The following DPP10 variants were observed in gnomAD, a reference collection of about 807,000 sequenced individuals.
DPP10 encodes dipeptidyl peptidase like 10, also known as inactive dipeptidyl peptidase 10.
DPP10 carries 33 observed loss-of-function variants against 120.9 expected under a neutral mutation model. The ratio of observed to expected loss-of-function variants is 0.27; its 90% CI spans 0.21 to 0.37. The LOEUF (loss-of-function observed/expected upper bound fraction) is 0.37, where lower values mean the gene tolerates loss of function less well. Ranked by LOEUF, DPP10 falls within the 10% of genes least tolerant of loss-of-function variation. DPP10 has a pLI of 1.00. For synonymous variants in DPP10, 337 were observed against 326.1 expected (o/e 1.03, Z -0.36); for missense variants, 816 against 942.8 (o/e 0.87, Z 1.76).
chr2:115,836,277 G>T (rs1383448096), intron 22 of DPP10, 21 bp downstream of exon 22: 2 of 1,571,402 alleles, frequency 1.3e-6, no homozygotes, highest in African/African-American at 1.4e-5. Context: ...TCTACAGACT[G>T]ACCTAGTATA....
At chr2:115,320,986 A>G (rs1037217675) in intron 2 of DPP10, among the ~76,000 whole-genome samples, 7 of 152,130 alleles carry the variant, frequency 4.6e-5, no homozygotes, top group Non-Finnish European at 8.8e-5. Flanking sequence ...ATTTTGCTAT[A>G]TATAGAATTT....
chr2:115,492,877 G>A (rs559517602), intron 3 of DPP10, among the ~76,000 whole-genome samples: 1 of 152,130 alleles, frequency 6.6e-6, no homozygotes. Context: ...GTTCAGAAGA[G>A]AGGGATATTA....
chr2:115,607,453 C>T (rs184784752), intron 5 of DPP10, among the ~76,000 whole-genome samples: 39 of 152,156 alleles, frequency 2.6e-4, no homozygotes, highest in Admixed American at 2.1e-3. Context: ...AATACATGAG[C>T]GTTTTAGTTA....
rs1204392539 is a variant in DPP10, at chr2:115,845,564, C to A, written c.*3219C>A. 6.6e-6 allele frequency: 1 copy of A among 152,196 alleles called. No individual in the cohort carries two copies. Among genetic ancestry groups the A allele is most frequent in the African/African-American group, 2.4e-5 (1 of 41,430 alleles). The allele number at this position is 152,196 out of a possible 1,614,324, so 9.4% of individuals were successfully genotyped here. The stretch of plus-strand genomic sequence containing the variant: ...CTGCATACCCTTCTATTTTCCTCTT[C>A]CCCATTTCACTCTTTTAAGCTCCCT... On this transcript the variant is annotated 3_prime_UTR_variant, in exon 26 of 26. Coordinates refer to ENST00000410059, the MANE Select transcript of DPP10 (RefSeq NM_020868.6).
chr2:115,644,172 T>A (rs1245298025), intron 5 of DPP10, among the ~76,000 whole-genome samples: 1 of 151,978 alleles, frequency 6.6e-6, no homozygotes, highest in Non-Finnish European at 1.5e-5. Context: ...ATATATATAT[T>A]TTTATTATAC....
chr2:114,621,438 A>G (rs756770546), intron 1 of DPP10, among the ~76,000 whole-genome samples: 1 of 152,118 alleles, frequency 6.6e-6, no homozygotes, highest in African/African-American at 2.4e-5. Context: ...TACAAGTTCT[A>G]TAAGGCTGTG....
chr2:114,820,725 T>C (rs553966021), intron 1 of DPP10, among the ~76,000 whole-genome samples: 1 of 152,268 alleles, frequency 6.6e-6, no homozygotes, highest in Non-Finnish European at 1.5e-5. Flanking sequence ...AAGAACAGCA[T>C]GGGGGAACTG....
intron 1 of DPP10, among the ~76,000 whole-genome samples, chr2:114,939,019 A>G (rs986443034): frequency 3.3e-5 from 5 of 152,080 alleles, no homozygotes; most frequent in African/African-American, 9.7e-5. Flanking sequence ...TCCCATACTT[A>G]TGAGTGTGTA....
At chr2:114,451,829 A>T (rs1485889620) in intron 1 of DPP10, among the ~76,000 whole-genome samples, 1 of 152,268 alleles carries the variant, frequency 6.6e-6, no homozygotes, top group East Asian at 1.9e-4. Flanking sequence ...TGTGTCTTCA[A>T]GTAAAATATA....
intron 1 of DPP10, among the ~76,000 whole-genome samples, chr2:114,574,258 T>C (rs539437376): frequency 1.3e-5 from 2 of 152,220 alleles, no homozygotes; most frequent in African/African-American, 2.4e-5. Flanking sequence ...CATAGGTTTT[T>C]CCCCCTCCCA....
chr2:114,571,912 T>C (rs1016791838), intron 1 of DPP10, among the ~76,000 whole-genome samples: 2 of 148,548 alleles, frequency 1.3e-5, no homozygotes, highest in African/African-American at 4.9e-5. Flanking sequence ...TACTATATAT[T>C]GTGTACATAT....
At chr2:115,703,128 T>C (rs1214517942) in intron 7 of DPP10, among the ~76,000 whole-genome samples, 1 of 151,976 alleles carries the variant, frequency 6.6e-6, no homozygotes, top group Non-Finnish European at 1.5e-5. Context: ...AAAAACATAG[T>C]ACTAATTAGA....
intron 1 of DPP10, among the ~76,000 whole-genome samples, chr2:114,905,473 A>G (rs1458920682): frequency 6.6e-6 from 1 of 151,716 alleles, no homozygotes; most frequent in Non-Finnish European, 1.5e-5. Context: ...AGTTTATTTT[A>G]TTGTATTTTT....
intron 5 of DPP10, among the ~76,000 whole-genome samples, chr2:115,576,417 A>G (rs1186737780): frequency 6.6e-6 from 1 of 152,202 alleles, no homozygotes; most frequent in Non-Finnish European, 1.5e-5. Context: ...AATGAGTCTC[A>G]GGTTCCTAAT....
intron 5 of DPP10, among the ~76,000 whole-genome samples, chr2:115,634,819 C>G (rs190548263): frequency 6.6e-6 from 1 of 152,316 alleles, no homozygotes; most frequent in African/African-American, 2.4e-5. Flanking sequence ...GGGGCAAAGA[C>G]TAAGTCTACT....
intron 1 of DPP10, among the ~76,000 whole-genome samples, chr2:114,664,216 T>C (rs1474484486): frequency 6.6e-6 from 1 of 152,054 alleles, no homozygotes; most frequent in Non-Finnish European, 1.5e-5. Flanking sequence ...AGTTAAATTC[T>C]GAACTCCTTT....
chr2:115,618,401 T>C (rs988340405), intron 5 of DPP10, among the ~76,000 whole-genome samples: 1 of 152,166 alleles, frequency 6.6e-6, no homozygotes, highest in Non-Finnish European at 1.5e-5. Flanking sequence ...TTGGTCACAG[T>C]AATGAATGAT....
chr2:114,790,196 G>A (rs1332926053), intron 1 of DPP10, among the ~76,000 whole-genome samples: 3 of 152,222 alleles, frequency 2.0e-5, no homozygotes, highest in Admixed American at 1.3e-4. Flanking sequence ...TCAGCACTTA[G>A]TGGATATGCT....
intron 1 of DPP10, among the ~76,000 whole-genome samples, chr2:114,825,663 CA>C (rs1200135038): frequency 6.6e-6 from 1 of 152,170 alleles, no homozygotes; most frequent in African/African-American, 2.4e-5. Flanking sequence ...TGTTCCCCCC[CA>C]ACTCCAAACA....
Sources: gnomAD v4.1 joint callset for allele counts (sites outside exome capture counted in the v4.1 genomes callset) on GRCh38, gnomAD v4.1.1 for gene constraint, MANE v1.5 for transcripts, NCBI Gene and HGNC (gene_info 2026-07-23, HGNC 2026-07-21) for gene names.